PLA2G5: variants seen among roughly 807,000 people sequenced by gnomAD.
PLA2G5 encodes Ca2+-dependent phospholipase A2.
In PLA2G5, 12 loss-of-function variants were observed where a neutral mutation model predicts 15.9. The observed-to-expected ratio is 0.76, with a 90% CI of 0.48 to 1.23. The LOEUF (loss-of-function observed/expected upper bound fraction) is 1.23, where lower values mean the gene tolerates loss of function less well. PLA2G5 is among the 50% of genes most tolerant of loss of function. The pLI is 0.00. For missense variants in PLA2G5, 169 were observed against 177.1 expected (o/e 0.95, Z 0.26); for synonymous variants, 71 against 71.4 (o/e 0.99, Z 0.03).
chr1:20,034,540 A>G (rs2013141663), intron 1 of PLA2G5, among the ~76,000 whole-genome samples: 1 of 152,092 alleles, frequency 6.6e-6, no homozygotes, highest in South Asian at 2.1e-4. Context: ...GACAGCCAGG[A>G]TAGGAGTGTT....
chr1:20,072,308 T>C lies in PLA2G5; in HGVS notation c.-11+1843T>C, dbSNP rs138977403. 3.5e-4 allele frequency among the ~76,000 whole-genome samples: 53 copies of C among 152,274 alleles called. 1 individual carries two copies. In the East Asian group the frequency reaches 8.5e-3, roughly 24 times the overall value. ...CAGAATGCAAGCTCTGCCATGAGGG[T>C]AGGGTTCTCAGCTGTTTTGCTCTTT... On this transcript the variant is annotated intron_variant, in intron 1 of 4. Transcript: ENST00000375108.
At chr1:20,059,540 G>A (rs935755493) in intron 1 of PLA2G5, 6 of 152,202 alleles carry the variant, frequency 3.9e-5, no homozygotes, top group African/African-American at 1.4e-4. Context: ...ATGGGAAGAG[G>A]GTTATGCATC....
chr1:20,087,914 C>T (rs1234868224), intron 3 of PLA2G5, among the ~76,000 whole-genome samples: 2 of 152,146 alleles, frequency 1.3e-5, no homozygotes, highest in Non-Finnish European at 2.9e-5. Context: ...AAATAAATGG[C>T]CCCAAACTCC....
intron 1 of PLA2G5, among the ~76,000 whole-genome samples, chr1:20,029,094 C>T (rs1033710286): frequency 3.3e-5 from 5 of 152,184 alleles, no homozygotes; most frequent in African/African-American, 7.2e-5. Context: ...TTTCTGTATC[C>T]TGTGATCCTT....
chr1:20,040,577 TAC>T (rs60942082), intron 1 of PLA2G5, among the ~76,000 whole-genome samples: 41,353 of 150,570 alleles, frequency 0.27, 6,066 homozygotes, highest in African/African-American at 0.4. Context: ...AGCTGACAAA[TAC>T]ACACACACAC....
At position 20,035,703 on chromosome 1, in the gene PLA2G5, T is replaced by G. The variant is rs141261044; in HGVS notation, n.276+6994T>G. Among the ~76,000 whole-genome samples, 1,004 of 152,346 alleles carry G rather than the reference T, an allele frequency of 6.6e-3. 5 individuals are homozygous for G. The highest frequency in any genetic ancestry group is 0.01 in the Middle Eastern group (3 of 294). On this transcript the variant is annotated intron_variant and non_coding_transcript_variant, in intron 1 of 6. Coordinates refer to the PLA2G5 transcript ENST00000460175. ...TTCTGTATCTTTTAAGTAGAGCATA[T>G]AGGTCATTTAAACATTCAATGTGAG... is the stretch of plus-strand genomic sequence containing the variant.
rs2015859821 is a variant in PLA2G5, at chr1:20,079,093, G to A, written c.-10-5728G>A. Among the ~76,000 whole-genome samples, 5 of 144,138 alleles carry A rather than the reference G, an allele frequency of 3.5e-5. No homozygotes were observed. In the South Asian group the frequency reaches 1.2e-3, roughly 33 times the overall value. The allele number at this position is 144,138 out of a possible 152,430, so 94.6% of individuals were successfully genotyped here. A position where few individuals can be genotyped will look rare whatever the true frequency, so the allele number is the denominator to read the frequency against. ...TGTGTCTCTGCACTCCAGCCTGGGG[G>A]ACAGAGACAGACCCTGTCTCAAAAA... On this transcript the variant is annotated intron_variant, in intron 1 of 4. Coordinates refer to ENST00000375108, the MANE Select transcript of PLA2G5 (RefSeq NM_000929.3).
chr1:20,045,877 G>A (rs140742237), intron 1 of PLA2G5, among the ~76,000 whole-genome samples: 8 of 152,304 alleles, frequency 5.3e-5, no homozygotes, highest in East Asian at 1.9e-4. Flanking sequence ...ACACGGATGC[G>A]TGTGACACAG....
At chr1:20,090,077 G>A (rs1357839581) in intron 4 of PLA2G5, among the ~76,000 whole-genome samples, 182 bp downstream of exon 4, 1 of 152,182 alleles carries the variant, frequency 6.6e-6, no homozygotes, top group Non-Finnish European at 1.5e-5. Context: ...ATCATCCACT[G>A]GGTGCAAAAG....
chr1:20,049,559 T>C (rs1395128179), intron 1 of PLA2G5, among the ~76,000 whole-genome samples: 1 of 151,958 alleles, frequency 6.6e-6, no homozygotes, highest in African/African-American at 2.4e-5. Flanking sequence ...TGAGGGTGGG[T>C]TTTTCCCTTG....
At chr1:20,082,723 T>G (rs781291913) in intron 1 of PLA2G5, among the ~76,000 whole-genome samples, 19 of 151,802 alleles carry the variant, frequency 1.3e-4, no homozygotes, top group Non-Finnish European at 2.2e-4. Flanking sequence ...CCATCTGAGG[T>G]GTCTAGGAAT....
At chr1:20,087,622 C>A (rs1262689073) in intron 3 of PLA2G5, among the ~76,000 whole-genome samples, 2 of 152,056 alleles carry the variant, frequency 1.3e-5, no homozygotes, top group African/African-American at 4.8e-5. Context: ...TAGCAACAAG[C>A]ACACTTAATG....
At chr1:20,029,486 G>C (rs2012784851) in intron 1 of PLA2G5, among the ~76,000 whole-genome samples, 1 of 152,170 alleles carries the variant, frequency 6.6e-6, no homozygotes, top group Admixed American at 6.5e-5. Context: ...GCCGCTGTGT[G>C]TCTGCCTGCT....
At chr1:20,033,379 C>G (rs182796486) in intron 1 of PLA2G5, among the ~76,000 whole-genome samples, 3 of 152,204 alleles carry the variant, frequency 2.0e-5, no homozygotes, top group African/African-American at 4.8e-5. Context: ...GGAGGGTGGC[C>G]AGGTTAAGAG....
intron 1 of PLA2G5, among the ~76,000 whole-genome samples, chr1:20,071,312 A>G (rs1485470272): frequency 6.6e-6 from 1 of 152,186 alleles, no homozygotes; most frequent in Non-Finnish European, 1.5e-5. Flanking sequence ...CTAGGATCCA[A>G]TCTGTGCCAT....
upstream of PLA2G5, among the ~76,000 whole-genome samples, chr1:20,069,204 T>C (rs1289246209): frequency 6.6e-6 from 1 of 152,186 alleles, no homozygotes; most frequent in East Asian, 1.9e-4. Context: ...GAGAGTATTT[T>C]AGGAATGACT....
chr1:20,043,206 T>C (rs903455973), intron 1 of PLA2G5, among the ~76,000 whole-genome samples: 1 of 152,004 alleles, frequency 6.6e-6, no homozygotes, highest in Admixed American at 6.6e-5. Flanking sequence ...GAGGGAGGTA[T>C]TGAGGACAAA....
intron 1 of PLA2G5, among the ~76,000 whole-genome samples, chr1:20,057,380 C>T (rs1377646384): frequency 3.3e-5 from 5 of 151,646 alleles, no homozygotes; most frequent in Non-Finnish European, 5.9e-5. Context: ...ACTGTTGTCA[C>T]TGCATCCCAT....
intron 1 of PLA2G5, among the ~76,000 whole-genome samples, chr1:20,072,329 T>C (rs1190264576): frequency 6.6e-6 from 1 of 152,212 alleles, no homozygotes; most frequent in Non-Finnish European, 1.5e-5. Context: ...GCTGTTTTGC[T>C]CTTTGCTGTA....
Sources: gnomAD v4.1 joint callset for allele counts (sites outside exome capture counted in the v4.1 genomes callset) on GRCh38, gnomAD v4.1.1 for gene constraint, MANE v1.5 for transcripts, NCBI Gene and HGNC (gene_info 2026-07-23, HGNC 2026-07-21) for gene names.